Variants in CDH12 observed in about 807,000 individuals in gnomAD.
The protein encoded by CDH12 is cadherin-12.
CDH12 carries 41 observed loss-of-function variants against 74.1 expected under a neutral mutation model. The ratio of observed to expected loss-of-function variants is 0.55; its 90% CI spans 0.43 to 0.72. CDH12 has a LOEUF of 0.72. Among genes scored for constraint, CDH12 ranks in the 30% least tolerant of loss-of-function variants. CDH12 has a pLI of 0.00. For missense variants in CDH12, 945 were observed against 977.2 expected (o/e 0.97, Z 0.44); for synonymous variants, 399 against 355.0 (o/e 1.12, Z -1.39).
chr5:22,372,861 C>T (rs1373372), intron 3 of CDH12, among the ~76,000 whole-genome samples: 41,287 of 151,994 alleles, frequency 0.27, 5,671 homozygotes, highest in East Asian at 0.34. Context: ...CAGAAACTTC[C>T]ACATGCTCCA....
At chr5:22,259,510 G>A (rs1208955034) in intron 3 of CDH12, among the ~76,000 whole-genome samples, 1 of 151,878 alleles carries the variant, frequency 6.6e-6, no homozygotes, top group Non-Finnish European at 1.5e-5. Flanking sequence ...TTCTAATTAT[G>A]AATAATTTAT....
chr5:22,524,155 T>C (rs567972841), intron 1 of CDH12, among the ~76,000 whole-genome samples: 2 of 151,978 alleles, frequency 1.3e-5, no homozygotes, highest in Non-Finnish European at 2.9e-5. Context: ...GCTAATTTTT[T>C]GTATTTTTTG....
At chr5:22,103,233 T>A (rs1363676616) in intron 4 of CDH12, among the ~76,000 whole-genome samples, 1 of 152,166 alleles carries the variant, frequency 6.6e-6, no homozygotes, top group Non-Finnish European at 1.5e-5. Flanking sequence ...TTTTTAAAAT[T>A]TATGATGACG....
At chr5:22,081,745 G>A (rs1310531868) in intron 4 of CDH12, among the ~76,000 whole-genome samples, 1 of 152,160 alleles carries the variant, frequency 6.6e-6, no homozygotes, top group Non-Finnish European at 1.5e-5. Context: ...CCGCCAGTCT[G>A]GTCCAAATTC....
At chr5:22,796,097 G>A (rs1410372778) in intron 1 of CDH12, among the ~76,000 whole-genome samples, 1 of 151,994 alleles carries the variant, frequency 6.6e-6, no homozygotes, top group Non-Finnish European at 1.5e-5. Flanking sequence ...TTCACTTATT[G>A]ATGGACAAAG....
chr5:22,643,831 G>A (rs1323151835), intron 1 of CDH12, among the ~76,000 whole-genome samples: 2 of 134,750 alleles, frequency 1.5e-5, no homozygotes, highest in Admixed American at 8.4e-5. Context: ...AACGGCATGT[G>A]CTTACTTCAT....
intron 10 of CDH12, among the ~76,000 whole-genome samples, chr5:21,784,369 T>C (rs778903787): frequency 3.9e-5 from 6 of 152,054 alleles, no homozygotes; most frequent in Non-Finnish European, 7.4e-5. Context: ...TGCTTACACA[T>C]TGAGAATAAA....
At chr5:22,794,160 C>G (rs763025936) in intron 1 of CDH12, among the ~76,000 whole-genome samples, 6 of 152,090 alleles carry the variant, frequency 3.9e-5, no homozygotes, top group Non-Finnish European at 7.4e-5. Flanking sequence ...CAGAAATAAC[C>G]ACACGGTTTA....
At chr5:22,556,296 T>C (rs969252231) in intron 1 of CDH12, among the ~76,000 whole-genome samples, 1 of 152,072 alleles carries the variant, frequency 6.6e-6, no homozygotes, top group Non-Finnish European at 1.5e-5. Flanking sequence ...GGGCAAGCAC[T>C]GACACAATGC....
chr5:22,362,002 T>A (rs1580565074), intron 3 of CDH12, among the ~76,000 whole-genome samples: 1 of 152,074 alleles, frequency 6.6e-6, no homozygotes, highest in Admixed American at 6.6e-5. Flanking sequence ...AGCAATACCA[T>A]TCAGGACACA....
chr5:22,696,333 T>C (rs932271284), intron 1 of CDH12, among the ~76,000 whole-genome samples: 6 of 135,268 alleles, frequency 4.4e-5, no homozygotes, highest in Admixed American at 1.6e-4. Context: ...ATGGCGCCAC[T>C]GCACTCCAGC....
chr5:22,230,160 A>G (rs1580427663), intron 3 of CDH12, among the ~76,000 whole-genome samples: 1 of 152,276 alleles, frequency 6.6e-6, no homozygotes, highest in Middle Eastern at 3.4e-3. Flanking sequence ...ACAACCCTAC[A>G]TCTGCCCACT....
intron 4 of CDH12, among the ~76,000 whole-genome samples, chr5:22,165,678 A>G (rs1317102354): frequency 1.3e-5 from 2 of 152,302 alleles, no homozygotes; most frequent in East Asian, 3.9e-4. Context: ...ATCCCCAGAT[A>G]GGCATTCTAA....
At chr5:22,250,627 G>A (rs1413039971) in intron 3 of CDH12, among the ~76,000 whole-genome samples, 2 of 152,198 alleles carry the variant, frequency 1.3e-5, no homozygotes, top group African/African-American at 4.8e-5. Context: ...ATAAAAGCAT[G>A]TAGGAAATAA....
At chr5:21,969,708 C>T (rs1756746183) in intron 6 of CDH12, among the ~76,000 whole-genome samples, 1 of 152,186 alleles carries the variant, frequency 6.6e-6, no homozygotes, top group Admixed American at 6.6e-5. Context: ...ACTTAAGTAT[C>T]TGCTGTTTTA....
At chr5:22,710,806 T>A (rs1370872585) in intron 1 of CDH12, among the ~76,000 whole-genome samples, 14 of 152,096 alleles carry the variant, frequency 9.2e-5, no homozygotes, top group Non-Finnish European at 2.9e-5. Flanking sequence ...GCTGTGCCTA[T>A]CTAGATTCTG....
At chr5:22,851,634 T>C (rs1388038059) in intron 1 of CDH12, among the ~76,000 whole-genome samples, 1 of 152,130 alleles carries the variant, frequency 6.6e-6, no homozygotes, top group Non-Finnish European at 1.5e-5. Flanking sequence ...TTAAATTAGT[T>C]AAAGGGAAGC....
intron 4 of CDH12, among the ~76,000 whole-genome samples, chr5:22,118,545 A>G (rs1745307318): frequency 6.6e-6 from 1 of 151,884 alleles, no homozygotes; most frequent in African/African-American, 2.4e-5. Flanking sequence ...CAGAGCTCCA[A>G]ATTATGCATT....
chr5:21,807,222 AT>A (rs1209998447), intron 9 of CDH12, among the ~76,000 whole-genome samples: 1 of 152,030 alleles, frequency 6.6e-6, no homozygotes, highest in Non-Finnish European at 1.5e-5. Flanking sequence ...GGGGGACTGT[AT>A]TTTACACCCT....
Sources: allele counts gnomAD v4.1 joint callset (sites outside exome capture counted in the v4.1 genomes callset), GRCh38; gene constraint gnomAD v4.1.1; transcripts MANE v1.5; gene names NCBI Gene and HGNC (gene_info 2026-07-23, HGNC 2026-07-21).